Variants in PCCA observed in about 807,000 individuals in gnomAD.
PCCA encodes propionyl-CoA carboxylase alpha chain, mitochondrial.
Under a neutral mutation model 101.3 loss-of-function variants are expected in PCCA, and 74 were observed. The ratio of observed to expected loss-of-function variants is 0.73; its 90% CI spans 0.61 to 0.89. PCCA has a LOEUF of 0.89. Among genes scored for constraint, PCCA ranks in the 40% least tolerant of loss-of-function variants. The pLI, the probability that PCCA is intolerant of heterozygous loss-of-function variation, is 0.00. For synonymous variants in PCCA, 294 were observed against 313.6 expected, an observed-to-expected ratio of 0.94 and a Z score of 0.66; for missense variants, 891 against 907.0, an observed-to-expected ratio of 0.98 and a Z score of 0.23.
At chr13:100,329,214 T>C (rs931363078) in intron 16 of PCCA, among the ~76,000 whole-genome samples, 1 of 152,112 alleles carries the variant, frequency 6.6e-6, no homozygotes, top group Non-Finnish European at 1.5e-5. Context: ...CTACTGGCTG[T>C]TTAATTTATA....
intron 8 of PCCA, among the ~76,000 whole-genome samples, chr13:100,240,664 G>A (rs750327476): frequency 6.6e-6 from 1 of 151,292 alleles, no homozygotes; most frequent in Non-Finnish European, 1.5e-5. Flanking sequence ...TAATTGTTAC[G>A]GTTTATACTC....
intron 19 of PCCA, among the ~76,000 whole-genome samples, chr13:100,386,909 T>C (rs1296196741): frequency 6.6e-6 from 1 of 152,224 alleles, no homozygotes; most frequent in East Asian, 1.9e-4. Flanking sequence ...TTTTGAACCC[T>C]ACATGTGTAT....
At chr13:100,182,221 T>C (rs1287967332) in intron 6 of PCCA, among the ~76,000 whole-genome samples, 1 of 150,534 alleles carries the variant, frequency 6.6e-6, no homozygotes, top group African/African-American at 2.4e-5. Flanking sequence ...CTCAGCCTCC[T>C]GAGTAGCTGG....
intron 20 of PCCA, among the ~76,000 whole-genome samples, chr13:100,433,000 C>T (rs2079663535): frequency 6.6e-6 from 1 of 152,128 alleles, no homozygotes. Flanking sequence ...AATAATATTC[C>T]ATTGTGTGAA....
intron 12 of PCCA, among the ~76,000 whole-genome samples, chr13:100,297,800 AT>A (rs966974093): frequency 6.6e-6 from 1 of 152,142 alleles, no homozygotes; most frequent in African/African-American, 2.4e-5. Context: ...GCATTTGATA[AT>A]TTTTTGTACC....
chr13:100,093,851 A>G (rs978425367), intron 1 of PCCA, among the ~76,000 whole-genome samples: 2 of 152,120 alleles, frequency 1.3e-5, no homozygotes, highest in Non-Finnish European at 2.9e-5. Flanking sequence ...AGGAGGGAGG[A>G]TCACTTGAGC....
chr13:100,176,338 T>C (rs11840109), intron 6 of PCCA, among the ~76,000 whole-genome samples: 8,153 of 152,294 alleles, frequency 0.054, 746 homozygotes, highest in African/African-American at 0.19. Context: ...TACAAGTTAC[T>C]TCATGCATAG....
chr13:100,505,145 G>A (rs1040516897), intron 21 of PCCA, among the ~76,000 whole-genome samples: 21 of 152,100 alleles, frequency 1.4e-4, no homozygotes, highest in African/African-American at 4.6e-4. Context: ...AAATAAAAAA[G>A]CCCACCTCAT....
intron 6 of PCCA, among the ~76,000 whole-genome samples, chr13:100,184,571 T>C (rs1474085916): frequency 6.6e-6 from 1 of 152,168 alleles, no homozygotes; most frequent in East Asian, 1.9e-4. Flanking sequence ...AAGGGCCAGA[T>C]AATAAGTGTT....
intron 23 of PCCA, among the ~76,000 whole-genome samples, chr13:100,529,344 C>T (rs535120113): frequency 6.6e-6 from 1 of 152,202 alleles, no homozygotes; most frequent in African/African-American, 2.4e-5. Context: ...CAAGCAGCAT[C>T]TGCAGTGGCC....
chr13:100,202,471 A>G (rs370271441), intron 6 of PCCA, among the ~76,000 whole-genome samples: 3 of 150,694 alleles, frequency 2.0e-5, no homozygotes, highest in Non-Finnish European at 4.4e-5. Context: ...TCTTTTGTAT[A>G]AGTTACCTAT....
chr13:100,209,576 A>ACG, intron 7 of PCCA, 113 bp downstream of exon 7: 1 of 789,972 alleles, frequency 1.3e-6, no homozygotes, highest in Non-Finnish European at 2.2e-6. Context: ...ACACACACAC[A>ACG]TATGCACGCA....
intron 6 of PCCA, among the ~76,000 whole-genome samples, chr13:100,175,886 A>T (rs956693550): frequency 6.6e-6 from 1 of 152,132 alleles, no homozygotes; most frequent in Non-Finnish European, 1.5e-5. Context: ...CATCTTCTCC[A>T]AATTCTTTTT....
intron 18 of PCCA, among the ~76,000 whole-genome samples, chr13:100,361,233 T>G (rs4771363): frequency 0.69 from 104,030 of 151,738 alleles, 36,078 homozygotes; most frequent in Middle Eastern, 0.8. Flanking sequence ...TCATTAGATA[T>G]TTGTCAAAAC....
intron 12 of PCCA, 143 bp from the exon 13 acceptor site, chr13:100,301,317 C>A: frequency 1.2e-6 from 1 of 806,266 alleles, no homozygotes; most frequent in Non-Finnish European, 2.1e-6. Context: ...ATTCCCCTAG[C>A]TCAAGAGTTT....
chr13:100,184,236 C>T (rs1350031126), intron 6 of PCCA, among the ~76,000 whole-genome samples: 1 of 152,152 alleles, frequency 6.6e-6, no homozygotes, highest in African/African-American at 2.4e-5. Context: ...TTCTCTTTCT[C>T]CTCTGCTGAA....
intron 10 of PCCA, among the ~76,000 whole-genome samples, chr13:100,264,659 C>G (rs951570999): frequency 6.6e-6 from 1 of 151,866 alleles, no homozygotes; most frequent in African/African-American, 2.4e-5. Flanking sequence ...TTTTTAGTTT[C>G]TTTATATTAG....
At chr13:100,305,236 T>A (rs1486122299) in intron 14 of PCCA, among the ~76,000 whole-genome samples, 2 of 152,220 alleles carry the variant, frequency 1.3e-5, no homozygotes, top group African/African-American at 4.8e-5. Context: ...TTTTATCGTA[T>A]GTATTTTAAA....
chr13:100,317,567 C>T (rs1433783856), intron 16 of PCCA, among the ~76,000 whole-genome samples: 1 of 152,158 alleles, frequency 6.6e-6, no homozygotes, highest in East Asian at 1.9e-4. Context: ...GGGTGTTGTG[C>T]TCATCTCCCC....
Sources: allele counts gnomAD v4.1 joint callset (sites outside exome capture counted in the v4.1 genomes callset), GRCh38; gene constraint gnomAD v4.1.1; transcripts MANE v1.5; gene names NCBI Gene and HGNC (gene_info 2026-07-23, HGNC 2026-07-21).